The following KIAA0930 variants were observed in gnomAD, a reference collection of about 807,000 sequenced individuals.
KIAA0930 encodes uncharacterized protein KIAA0930.
Under a neutral mutation model 43.9 loss-of-function variants are expected in KIAA0930, and 24 were observed. The ratio of observed to expected loss-of-function variants is 0.55; its 90% confidence interval spans 0.40 to 0.77. KIAA0930 has a LOEUF of 0.77. Ranked by LOEUF, KIAA0930 falls within the 30% of genes least tolerant of loss-of-function variation. The probability of loss-of-function intolerance (pLI) is 0.00; values close to 1 mark genes in which losing one functional copy is unlikely to be tolerated. For synonymous variants in KIAA0930, 259 were observed against 216.4 expected (o/e 1.20, Z -1.73); for missense variants, 461 against 574.2 (o/e 0.80, Z 2.02).
chr22:45,237,422 C>G (rs1476486257), intron 1 of KIAA0930, among the ~76,000 whole-genome samples: 1 of 152,232 alleles, frequency 6.6e-6, no homozygotes, highest in Non-Finnish European at 1.5e-5. Flanking sequence ...CTGCCACAGA[C>G]AAGCCTCAAA....
intron 1 of KIAA0930, among the ~76,000 whole-genome samples, chr22:45,212,648 C>T (rs755483078): frequency 1.3e-5 from 2 of 152,278 alleles, no homozygotes; most frequent in Middle Eastern, 3.2e-3. Context: ...CCCACCCCTG[C>T]CCCACGTCTG....
intron 8 of KIAA0930, among the ~76,000 whole-genome samples, chr22:45,199,395 C>G (rs530659259): frequency 1.3e-5 from 2 of 152,232 alleles, no homozygotes; most frequent in Non-Finnish European, 2.9e-5. Context: ...GAGGTGGCGA[C>G]TGTGTCACCA....
At chr22:45,220,249 T>C (rs961455282) in intron 1 of KIAA0930, among the ~76,000 whole-genome samples, 1 of 151,884 alleles carries the variant, frequency 6.6e-6, no homozygotes, top group African/African-American at 2.4e-5. Flanking sequence ...GGTCAGGAGT[T>C]CAAGACCAGC....
At position 45,205,243 on chromosome 22, in the gene KIAA0930, A is replaced by T. The variant is rs552310164; in HGVS notation, c.490T>A (p.Phe164Ile). 12 of 1,614,090 alleles carry T rather than the reference A, an allele frequency of 7.4e-6. No homozygotes were observed. The highest frequency in any genetic ancestry group is 4.0e-5 in the African/African-American group (3 of 75,038). The stretch of plus-strand genomic sequence containing the variant: ...TCCTCGAAGCTGTCAATCATGAAGA[A>T]GATGTTGGGGTAGCTGATCTTGGAC... ...EESKISYPNI[F>I]FMIDSFEEVF... The change falls in exon 5 of 10, where the codon TTC becomes ATC. Residue 164 changes from phenylalanine to isoleucine, a missense_variant. Phe to Ile is a conservative substitution (Grantham distance 21). Transcript: ENST00000336156.
At chr22:45,225,393 G>T (rs140498182) in intron 1 of KIAA0930, among the ~76,000 whole-genome samples, 1 of 152,270 alleles carries the variant, frequency 6.6e-6, no homozygotes, top group Non-Finnish European at 1.5e-5. Flanking sequence ...GAAGCGTGGG[G>T]TCTCCACGTT....
chr22:45,195,939 TC>T lies in KIAA0930; in HGVS notation c.*1236del, dbSNP rs1260094681. On this transcript the variant is annotated 3_prime_UTR_variant, in exon 10 of 10. Coordinates refer to ENST00000336156, the MANE Select transcript of KIAA0930 (RefSeq NM_001009880.2). Reference sequence around the variant, plus strand: ...ATAAACAGATGGGAGAACAAGACCCTCCTCTTCCTTTTCCCCCACAGAGAAG... The same window carrying T: ...ATAAACAGATGGGAGAACAAGACCCTCTCTTCCTTTTCCCCCACAGAGAAG... 1 of 152,124 alleles carries T rather than the reference TC, an allele frequency of 6.6e-6. No homozygotes were observed. Among genetic ancestry groups the T allele is most frequent in the Non-Finnish European group, 1.5e-5 (1 of 68,002 alleles). 9.4% of individuals were successfully genotyped at this position (152,124 alleles called of 1,614,324 possible).
chr22:45,235,964 C>T lies in KIAA0930; in HGVS notation c.64+4676G>A, dbSNP rs144793780. The stretch of plus-strand genomic sequence containing the variant: ...GTTGGGGGAGGTGAAGGGTGCACAG[C>T]GCTCTTCCCCATTCGCAGGCCTAGC... On this transcript the variant is annotated intron_variant, in intron 1 of 9. Coordinates refer to ENST00000336156, the MANE Select transcript of KIAA0930 (RefSeq NM_001009880.2). Among the ~76,000 whole-genome samples, 18 of 152,358 alleles carry T rather than the reference C, an allele frequency of 1.2e-4. No individual in the cohort carries two copies. The East Asian group carries it at 3.1e-3, about 26-fold the overall frequency.
chr22:45,212,423 G>A (rs1027520777), intron 1 of KIAA0930: 1 of 1,516,682 alleles, frequency 6.6e-7, no homozygotes, highest in African/African-American at 1.4e-5. Context: ...ATCCCGAGGA[G>A]CCAGGAACGC....
intron 1 of KIAA0930, among the ~76,000 whole-genome samples, chr22:45,229,627 G>T (rs1481720443): frequency 1.3e-5 from 2 of 152,188 alleles, no homozygotes; most frequent in Non-Finnish European, 2.9e-5. Flanking sequence ...TAGAGCCAAG[G>T]GCCCCCCTCT....
At chr22:45,218,577 C>T (rs1300086683) in intron 1 of KIAA0930, among the ~76,000 whole-genome samples, 1 of 151,828 alleles carries the variant, frequency 6.6e-6, no homozygotes, top group Non-Finnish European at 1.5e-5. Flanking sequence ...AGTTTCAAAC[C>T]TCAGTCTTCA....
At chr22:45,209,547 G>A (rs1469060310) in intron 2 of KIAA0930, among the ~76,000 whole-genome samples, 1 of 152,138 alleles carries the variant, frequency 6.6e-6, no homozygotes, top group African/African-American at 2.4e-5. Context: ...CGTGTCCTCA[G>A]CCCACTGCTG....
At position 45,234,873 on chromosome 22, in the gene KIAA0930, G is replaced by A. The variant is rs563939264; in HGVS notation, c.64+5767C>T. Among the ~76,000 whole-genome samples the A allele has an allele frequency of 5.3e-5, 8 of 152,288 alleles. No individual in the cohort carries two copies. The South Asian group carries it at 1.7e-3, about 32-fold the overall frequency. ...AAGAAACCTGCATAGAGAAGATCAA[G>A]TACTCTTTTAAAAACCTCTGGAAAG... On this transcript the variant is annotated intron_variant, in intron 1 of 9. Coordinates refer to ENST00000336156, the MANE Select transcript of KIAA0930 (RefSeq NM_001009880.2).
At chr22:45,223,908 A>G (rs543227379) in intron 1 of KIAA0930, among the ~76,000 whole-genome samples, 3 of 151,448 alleles carry the variant, frequency 2.0e-5, no homozygotes, top group Non-Finnish European at 4.4e-5. Context: ...AGCACCCAGG[A>G]TCAGCACCAG....
chr22:45,222,598 T>G lies in KIAA0930; in HGVS notation c.65-10491A>C, dbSNP rs1002244456. ...TGCTGGGATTACAAGCATGAGCCAC[T>G]GGGCCTGGCCAAAAATTAAAAATTT... On this transcript the variant is annotated intron_variant, in intron 1 of 9. Coordinates refer to ENST00000336156, the MANE Select transcript of KIAA0930 (RefSeq NM_001009880.2). 3.3e-4 allele frequency among the ~76,000 whole-genome samples: 50 copies of G among 151,694 alleles called. 1 individual carries two copies. The highest frequency in any genetic ancestry group is 2.9e-5 in the Non-Finnish European group (2 of 67,990).
At chr22:45,217,989 C>T (rs2083743971) in intron 1 of KIAA0930, among the ~76,000 whole-genome samples, 1 of 152,154 alleles carries the variant, frequency 6.6e-6, no homozygotes, top group African/African-American at 2.4e-5. Flanking sequence ...CTGGGCCGTC[C>T]ACACCCCAGT....
At chr22:45,222,399 C>T (rs1435184000) in intron 1 of KIAA0930, among the ~76,000 whole-genome samples, 1 of 152,148 alleles carries the variant, frequency 6.6e-6, no homozygotes, top group African/African-American at 2.4e-5. Flanking sequence ...ACTTTGACCT[C>T]AACAGGCTCA....
intron 1 of KIAA0930, chr22:45,226,118 C>T (rs9615072): frequency 0.037 from 14,518 of 396,948 alleles, 498 homozygotes; most frequent in African/African-American, 0.12. Flanking sequence ...GTCCTCGGTG[C>T]GTTCAGAGAG....
intron 1 of KIAA0930, among the ~76,000 whole-genome samples, chr22:45,233,017 A>G (rs2083863791): frequency 6.6e-6 from 1 of 152,122 alleles, no homozygotes; most frequent in South Asian, 2.1e-4. Flanking sequence ...GGTGGATCCA[A>G]GGACAGGTGG....
At chr22:45,207,777 G>C (rs572719229) in intron 2 of KIAA0930, 1 of 169,698 alleles carries the variant, frequency 5.9e-6, no homozygotes, top group East Asian at 1.9e-4. Flanking sequence ...TGGGATCTAT[G>C]GAAAGAGGTG....
Sources: allele counts gnomAD v4.1 joint callset (sites outside exome capture counted in the v4.1 genomes callset), GRCh38; gene constraint gnomAD v4.1.1; transcripts MANE v1.5; gene names NCBI Gene and HGNC (gene_info 2026-07-23, HGNC 2026-07-21).